MRPS12: variants seen among roughly 807,000 people sequenced by gnomAD.
The protein encoded by MRPS12 is small ribosomal subunit protein uS12m.
Under a neutral mutation model 8.4 loss-of-function variants are expected in MRPS12, and 7 were observed. The observed-to-expected ratio is 0.83, with a 90% CI of 0.47 to 1.56. MRPS12 has a LOEUF of 1.56. Ranked by LOEUF, MRPS12 falls within the 40% of genes most tolerant of loss-of-function variation. The pLI is 0.01. For missense variants in MRPS12, 200 were observed against 194.1 expected (o/e 1.03, Z -0.18); for synonymous variants, 84 against 84.1 (o/e 1.00, Z 0.01).
At chr19:38,931,223 T>A (rs1165336729) in intron 1 of MRPS12, 53 bp from the exon 2 acceptor site, 1 of 1,418,036 alleles carries the variant, frequency 7.1e-7, no homozygotes, top group East Asian at 2.4e-5. Context: ...CGGGGAGCAT[T>A]TGCGGATCGG....
In MRPS12 at chr19:38,931,581, G is replaced by A. The variant is rs115730238; in HGVS notation, c.49+238G>A. 1,248 of 374,970 alleles carry A rather than the reference G, an allele frequency of 3.3e-3. 18 individuals carry two copies. The highest frequency in any genetic ancestry group is 0.024 in the African/African-American group (1,150 of 47,660). The allele number at this position is 374,970 out of a possible 1,614,324, so 23.2% of individuals were successfully genotyped here. A position where few individuals can be genotyped will look rare whatever the true frequency, so the allele number is the denominator to read the frequency against. ...TATTTATTTAAGATCTCCCTCTGTCGCCCAGGCTGAAGTGCAGCGGTGTGA... is the reference window on the plus strand; with the variant it reads ...TATTTATTTAAGATCTCCCTCTGTCACCCAGGCTGAAGTGCAGCGGTGTGA... On this transcript the variant is annotated intron_variant, in intron 2 of 2. Transcript: ENST00000308018.
chr19:38,932,249 A>T, intron 2 of MRPS12, 84 bp from the exon 3 acceptor site: 5 of 1,416,394 alleles, frequency 3.5e-6, no homozygotes, highest in Non-Finnish European at 4.7e-6. Context: ...AAGTGCTTTA[A>T]ACAATGCCTA....
rs1027570829 is a variant in MRPS12, at chr19:38,931,079, G to T, written c.-20+81G>T. On this transcript the variant is annotated intron_variant, in intron 1 of 2. Coordinates refer to ENST00000308018, the MANE Select transcript of MRPS12 (RefSeq NM_033362.4). ...GTTCTTCCTGCGTGCGGGCGAGAGT[G>T]GTTGGGCCCTCGGGAACCCACTCAG... 8 of 615,674 alleles carry T rather than the reference G, an allele frequency of 1.3e-5. No homozygotes were observed. The Admixed American group carries it at 1.8e-4, about 14-fold the overall frequency. The allele number at this position is 615,674 out of a possible 1,614,324, so 38.1% of individuals were successfully genotyped here. A position where few individuals can be genotyped will look rare whatever the true frequency, so the allele number is the denominator to read the frequency against.
Position 38,932,415 on chromosome 19 carries a change from GC to G in MRPS12, c.134del (p.Pro45ArgfsTer14). 1 of 1,608,494 alleles carries G rather than the reference GC, an allele frequency of 6.2e-7. No individual in the cohort carries two copies. The highest frequency in any genetic ancestry group is 8.5e-7 in the Non-Finnish European group (1 of 1,176,624). Reference protein sequence around the residue: ...QMHRLGPPKRPPRKLGPTEGR... With the variant: ...QMHRLGPPKRXPRKLGPTEGR... ...TGCACCGCCTGGGGCCCCCCAAGCG[GC>G]CGCCTCGGAAGCTGGGCCCCACGGA... On this transcript the variant is annotated frameshift_variant, in exon 3 of 3. Coordinates refer to ENST00000308018, the MANE Select transcript of MRPS12 (RefSeq NM_033362.4). LOFTEE classifies it high-confidence loss of function.
chr19:38,932,107 G>C (rs1974762009), intron 2 of MRPS12, among the ~76,000 whole-genome samples: 1 of 145,812 alleles, frequency 6.9e-6, no homozygotes, highest in Non-Finnish European at 1.5e-5. Context: ...CTGCACTCCA[G>C]CCTGGGCGAC....
In MRPS12 at chr19:38,931,675, G is replaced by A. The variant is rs566131386; in HGVS notation, c.49+332G>A. ...TCCCGCCTCAGCCTCCCAAGTAGCT[G>A]GGACCACAGGCCTGCAGAACCACAA... On this transcript the variant is annotated intron_variant, in intron 2 of 2. Transcript: ENST00000308018. The A allele has an allele frequency of 4.1e-4, 88 of 212,072 alleles. No homozygotes were observed. In the Middle Eastern group the frequency reaches 9.3e-3, roughly 22 times the overall value. The allele number at this position is 212,072 out of a possible 1,614,324, so 13.1% of individuals were successfully genotyped here. A position where few individuals can be genotyped will look rare whatever the true frequency, so the allele number is the denominator to read the frequency against.
intron 1 of MRPS12, 63 bp from the exon 2 acceptor site, chr19:38,931,213 C>A: frequency 7.7e-7 from 1 of 1,291,160 alleles, no homozygotes. Flanking sequence ...GAGAGCGGAT[C>A]GGGGAGCATT....
chr19:38,932,405 C>A lies in MRPS12; in HGVS notation c.122C>A (p.Pro41His). The part of the protein sequence containing the change: ...ATLNQMHRLG[P>H]PKRPPRKLGP... ...CTGAACCAGATGCACCGCCTGGGGCCCCCCAAGCGGCCGCCTCGGAAGCTG... is the reference window on the plus strand; with the variant it reads ...CTGAACCAGATGCACCGCCTGGGGCACCCCAAGCGGCCGCCTCGGAAGCTG... The change falls in exon 3 of 3, where the codon CCC becomes CAC. Residue 41 changes from proline to histidine, a missense_variant. Physicochemically the swap from Pro to His is moderately conservative, Grantham distance 77. Transcript: ENST00000308018. The A allele has an allele frequency of 1.2e-6, 2 of 1,606,334 alleles. No homozygotes were observed. Among genetic ancestry groups the A allele is most frequent in the East Asian group, 2.2e-5 (1 of 44,748 alleles).
rs758348012 is a variant in MRPS12, at chr19:38,932,341, C to T, written c.58C>T (p.Leu20=). Residue 20 remains leucine (L), a synonymous_variant, in exon 3 of 3, where the codon CTG becomes TTG. Coordinates refer to ENST00000308018, the MANE Select transcript of MRPS12 (RefSeq NM_033362.4). ...LNTSLTCGPA[L]VPRLWATCSM... ...CTTTCGGCCCTCTCCAGGCCCAGCT[C>T]TGGTTCCCCGGCTCTGGGCTACCTG... 1.3e-6 allele frequency: 2 copies of T among 1,533,380 alleles called. No individual in the cohort carries two copies. Among genetic ancestry groups the T allele is most frequent in the South Asian group, 1.2e-5 (1 of 80,510 alleles). The allele number at this position is 1,533,380 out of a possible 1,614,324, so 95.0% of individuals were successfully genotyped here.
intron 2 of MRPS12, among the ~76,000 whole-genome samples, 164 bp from the exon 3 acceptor site, chr19:38,932,169 G>A (rs976679515): frequency 1.3e-5 from 2 of 151,268 alleles, no homozygotes; most frequent in Admixed American, 1.3e-4. Flanking sequence ...AAAAGGTAAT[G>A]CTTCCTTGAA....
rs199548036 is a variant in MRPS12 at position 38,931,338 on chromosome 19, C to G, written c.44C>G (p.Thr15Ser). 5.0e-6 allele frequency: 8 copies of G among 1,598,848 alleles called. 1 individual carries two copies. In the Admixed American group the frequency reaches 1.4e-4, roughly 28 times the overall value. Residue 15 changes from threonine to serine, a missense_variant, in exon 2 of 3, where the codon ACT becomes AGT. Transcript: ENST00000308018. The part of the protein sequence containing the change: ...GLLHGLNTSL[T>S]CGPALVPRLW... ...CTCCATGGCCTCAACACGTCCCTAACTTGTGGTAAGTGGGGGACTTGGGCT... is the reference window on the plus strand; with the variant it reads ...CTCCATGGCCTCAACACGTCCCTAAGTTGTGGTAAGTGGGGGACTTGGGCT...
At chr19:38,932,305 GATA>G (rs1974768157) in intron 2 of MRPS12, 25 bp from the exon 3 acceptor site, 1 of 1,502,948 alleles carries the variant, frequency 6.7e-7, no homozygotes, top group Non-Finnish European at 8.9e-7. Context: ...TGTTCTCTGG[GATA>G]ATAACCCCTT....
Position 38,932,422 on chromosome 19 carries a change from C to G in MRPS12, c.139C>G (p.Arg47Gly), listed in dbSNP as rs772487012. 1.9e-6 allele frequency: 3 copies of G among 1,610,158 alleles called. No homozygotes were observed. Among genetic ancestry groups the G allele is most frequent in the East Asian group, 4.5e-5 (2 of 44,788 alleles). The change falls in exon 3 of 3, where the codon CGG (arginine) becomes GGG (glycine). Residue 47 changes from arginine (R) to glycine (G), a missense_variant. Coordinates refer to ENST00000308018, the MANE Select transcript of MRPS12 (RefSeq NM_033362.4). Reference sequence around the variant, plus strand: ...CCTGGGGCCCCCCAAGCGGCCGCCTCGGAAGCTGGGCCCCACGGAAGGCCG... The same window carrying G: ...CCTGGGGCCCCCCAAGCGGCCGCCTGGGAAGCTGGGCCCCACGGAAGGCCG... ...HRLGPPKRPP[R>G]KLGPTEGRPQ...
chr19:38,931,952 T>G, intron 2 of MRPS12: 1 of 167,668 alleles, frequency 6.0e-6, no homozygotes. Flanking sequence ...CTGACCAACA[T>G]GGTGAAACCC....
At chr19:38,931,079 G>C in intron 1 of MRPS12, 81 bp downstream of exon 1, 1 of 615,674 alleles carries the variant, frequency 1.6e-6, no homozygotes, top group Non-Finnish European at 2.9e-6. Context: ...GGGCGAGAGT[G>C]GTTGGGCCCT....
Position 38,932,374 on chromosome 19 carries a change from G to A in MRPS12, c.91G>A (p.Ala31Thr), listed in dbSNP as rs1220566408. 1 of 1,578,524 alleles carries A rather than the reference G, an allele frequency of 6.3e-7. No individual in the cohort carries two copies. Among genetic ancestry groups the A allele is most frequent in the Admixed American group, 1.8e-5 (1 of 55,444 alleles). The part of the protein sequence containing the change: ...VPRLWATCSM[A>T]TLNQMHRLGP... ...CCGGCTCTGGGCTACCTGCTCCATG[G>A]CTACCCTGAACCAGATGCACCGCCT... Residue 31 changes from alanine (A) to threonine (T), a missense_variant, in exon 3 of 3, where the codon GCT becomes ACT. By Grantham distance (58) the Ala-to-Thr change is moderately conservative (BLOSUM62 0). Transcript: ENST00000308018.
In MRPS12 at chr19:38,931,119, T is replaced by G. The variant is rs1400677740; in HGVS notation, c.-20+121T>G. The G allele has an allele frequency of 7.1e-6, 5 of 699,828 alleles. No individual in the cohort carries two copies. The Admixed American group carries it at 1.3e-4, about 18-fold the overall frequency. 43.4% of individuals were successfully genotyped at this position (699,828 alleles called of 1,614,324 possible). On this transcript the variant is annotated intron_variant, in intron 1 of 2. Transcript: ENST00000308018. ...AACCCACTCAGAGCGAGGCTAAATT[T>G]ACGGAGGGACTTTCTGTTAGCAGCA...
At position 38,932,943 on chromosome 19, in the gene MRPS12, T is replaced by A. The variant is rs1425516220; in HGVS notation, c.*243T>A. The stretch of plus-strand genomic sequence containing the variant: ...TAGAGGGGTGGCCTGAAGGACCTTT[T>A]CTGCTGGGACAAGACACTGTACTGC... On this transcript the variant is annotated 3_prime_UTR_variant, in exon 3 of 3. Transcript: ENST00000308018. 26 of 559,116 alleles carry A rather than the reference T, an allele frequency of 4.7e-5. 1 individual carries two copies. Among genetic ancestry groups the A allele is most frequent in the Middle Eastern group, 4.8e-4 (1 of 2,076 alleles). 34.6% of individuals were successfully genotyped at this position (559,116 alleles called of 1,614,324 possible).
At chr19:38,931,077 G>T in intron 1 of MRPS12, 79 bp downstream of exon 1, 1 of 614,716 alleles carries the variant, frequency 1.6e-6, no homozygotes, top group Non-Finnish European at 2.9e-6. Flanking sequence ...GCGGGCGAGA[G>T]TGGTTGGGCC....
Sources: allele counts gnomAD v4.1 joint callset (sites outside exome capture counted in the v4.1 genomes callset), GRCh38; gene constraint gnomAD v4.1.1; transcripts MANE v1.5; gene names NCBI Gene and HGNC (gene_info 2026-07-23, HGNC 2026-07-21).